CHL1: variants seen among roughly 807,000 people sequenced by gnomAD.
CHL1 encodes the protein cell adhesion molecule L1 like, also known as neural cell adhesion molecule L1-like protein.
In CHL1, 96 loss-of-function variants were observed where a neutral mutation model predicts 141.9. The observed-to-expected ratio is 0.68, with a 90% confidence interval of 0.57 to 0.80. CHL1 has a LOEUF of 0.80. Among genes scored for constraint, CHL1 ranks in the 30% least tolerant of loss-of-function variants. CHL1 has a pLI of 0.00. For missense variants in CHL1, 1,820 were observed against 1,457.2 expected, an observed-to-expected ratio of 1.25 and a Z score of -4.05; for synonymous variants, 613 against 502.2, an observed-to-expected ratio of 1.22 and a Z score of -2.95.
rs772480546 is a variant in CHL1 at position 349,383 on chromosome 3, C to A, written c.873C>A (p.Asn291Lys). The A allele has an allele frequency of 6.2e-7, 1 of 1,613,568 alleles. No individual in the cohort carries two copies. Among genetic ancestry groups the A allele is most frequent in the Non-Finnish European group, 8.5e-7 (1 of 1,179,666 alleles). The part of the protein sequence containing the change: ...EGLPTPQVDW[N>K]KIGGDLPKGR... ...GGCCAACTCCACAGGTTGATTGGAA[C>A]AAAATTGGTGGTGACTTACCAAAGG... The change falls in exon 10 of 28, where the codon AAC becomes AAA. Residue 291 changes from asparagine (N) to lysine (K), a missense_variant. Physicochemically the swap from Asn to Lys is moderately conservative, Grantham distance 94. Coordinates refer to ENST00000256509, the MANE Select transcript of CHL1 (RefSeq NM_006614.4).
chr3:228,313 A>AAAC (rs1344350138), intron 1 of CHL1, among the ~76,000 whole-genome samples: 1 of 152,208 alleles, frequency 6.6e-6, no homozygotes, highest in Non-Finnish European at 1.5e-5. Flanking sequence ...AGAGGTAGAA[A>AAAC]AACGTCACCA....
intron 11 of CHL1, 136 bp from the exon 12 acceptor site, chr3:360,148 G>A (rs1279195383): frequency 2.3e-6 from 2 of 856,248 alleles, no homozygotes; most frequent in Non-Finnish European, 3.5e-6. Context: ...AAAACCTAAA[G>A]AATTGGCTTC....
At chr3:400,919 T>TTTTTTTA (rs1709076580) in intron 26 of CHL1, among the ~76,000 whole-genome samples, 1 of 144,400 alleles carries the variant, frequency 6.9e-6, no homozygotes, top group East Asian at 2.0e-4. Context: ...TTTTTTTTTT[T>TTTTTTTA]GAGACAAGGT....
At chr3:240,358 C>T (rs1323199720) in intron 1 of CHL1, among the ~76,000 whole-genome samples, 1 of 152,100 alleles carries the variant, frequency 6.6e-6, no homozygotes, top group Non-Finnish European at 1.5e-5. Context: ...TGATGTTGAG[C>T]ATTTTTTTTC....
At chr3:328,489 G>A in intron 5 of CHL1, 135 bp downstream of exon 5, 1 of 678,360 alleles carries the variant, frequency 1.5e-6, no homozygotes, top group Non-Finnish European at 2.2e-6. Context: ...TATTTATAAG[G>A]AAAAATTTCC....
intron 2 of CHL1, among the ~76,000 whole-genome samples, chr3:291,777 G>T (rs1697716043): frequency 6.6e-6 from 1 of 152,064 alleles, no homozygotes; most frequent in Non-Finnish European, 1.5e-5. Context: ...CAAAATGATT[G>T]TCAGCAGATG....
rs1433494619 is a variant in CHL1, at chr3:337,701, A to AT, written c.386-3088dup. 7.9e-5 allele frequency among the ~76,000 whole-genome samples: 12 copies of AT among 152,188 alleles called. No individual in the cohort carries two copies. In the East Asian group the frequency reaches 1.4e-3, roughly 17 times the overall value. On this transcript the variant is annotated intron_variant, in intron 5 of 27. Coordinates refer to ENST00000256509, the MANE Select transcript of CHL1 (RefSeq NM_006614.4). ...TCCCTACAAAGGACATGAACTCATC[A>AT]TTTTTATGGCTTCATAGTATTCCAT... is the stretch of plus-strand genomic sequence containing the variant.
chr3:408,166 A>G lies in CHL1; in HGVS notation c.*2455A>G, dbSNP rs1709647519. 6.6e-6 allele frequency: 1 copy of G among 152,232 alleles called. No individual in the cohort carries two copies. The highest frequency in any genetic ancestry group is 2.4e-5 in the African/African-American group (1 of 41,554). The allele number at this position is 152,232 out of a possible 1,614,324, so 9.4% of individuals were successfully genotyped here. On this transcript the variant is annotated 3_prime_UTR_variant, in exon 28 of 28. Transcript: ENST00000256509. ...TGAGTAACAGAGTCCACGGCGTGCA[A>G]TGGTAATTATAAATTGGTGATGCTT... is the stretch of plus-strand genomic sequence containing the variant.
chr3:313,180 GT>G (rs1699892536), intron 2 of CHL1, among the ~76,000 whole-genome samples: 1 of 152,122 alleles, frequency 6.6e-6, no homozygotes, highest in South Asian at 2.1e-4. Flanking sequence ...AAATGAAAAA[GT>G]TTTTAAAATG....
intron 2 of CHL1, chr3:309,048 C>A (rs1433764248): frequency 1.3e-5 from 2 of 152,368 alleles, no homozygotes; most frequent in Admixed American, 1.3e-4. Context: ...GCCAGGGCCC[C>A]GGTGCAGGCC....
rs760243953 is a variant in CHL1, at chr3:377,957, T to C, written c.1876+15T>C. ...AACTGTTCTTGGTAAGTGCACTAAC[T>C]AATGAGAAATCTGTTCATTTCTTCA... On this transcript the variant is annotated intron_variant, in intron 16 of 27. Transcript: ENST00000256509. 10 of 1,582,396 alleles carry C rather than the reference T, an allele frequency of 6.3e-6. No homozygotes were observed. The Admixed American group carries it at 1.3e-4, about 20-fold the overall frequency.
chr3:382,791 A>C, intron 18 of CHL1, 120 bp downstream of exon 18: 1 of 855,072 alleles, frequency 1.2e-6, no homozygotes, highest in Admixed American at 2.2e-5. Context: ...AATAGTGTTA[A>C]CAGTTCTCTA....
In CHL1 at chr3:352,472, T is replaced by G. The variant is rs112753888; in HGVS notation, c.1034-2168T>G. On this transcript the variant is annotated intron_variant, in intron 10 of 27. Coordinates refer to ENST00000256509, the MANE Select transcript of CHL1 (RefSeq NM_006614.4). ...GCAACATGAGAAATATTTATCATCT[T>G]ATTTTTGTATTTACAATTATGAGAA... 1.0e-3 allele frequency among the ~76,000 whole-genome samples: 156 copies of G among 152,316 alleles called. 1 individual carries two copies. The highest frequency in any genetic ancestry group is 2.6e-4 in the Non-Finnish European group (18 of 68,010).
chr3:384,698 A>T (rs1420318653), intron 19 of CHL1: 1 of 152,226 alleles, frequency 6.6e-6, no homozygotes, highest in East Asian at 1.9e-4. Context: ...TCATTCAACC[A>T]TTCTGATGAG....
chr3:206,586 A>G (rs1249884295), intron 1 of CHL1, among the ~76,000 whole-genome samples: 2 of 151,998 alleles, frequency 1.3e-5, no homozygotes, highest in African/African-American at 4.8e-5. Flanking sequence ...AAATAAAAAT[A>G]AAAATTAGCC....
chr3:255,659 A>C (rs1198574031), intron 2 of CHL1, among the ~76,000 whole-genome samples: 1 of 152,132 alleles, frequency 6.6e-6, no homozygotes, highest in Admixed American at 6.5e-5. Flanking sequence ...AGATAAATGG[A>C]TCATCTGTGT....
intron 1 of CHL1, among the ~76,000 whole-genome samples, chr3:210,267 C>G (rs1699797658): frequency 6.6e-6 from 1 of 152,210 alleles, no homozygotes; most frequent in South Asian, 2.1e-4. Context: ...TAACTCATAC[C>G]TTTAAACAGT....
At chr3:360,815 C>A (rs1473695507) in intron 12 of CHL1, among the ~76,000 whole-genome samples, 1 of 140,320 alleles carries the variant, frequency 7.1e-6, no homozygotes, top group Non-Finnish European at 1.5e-5. Flanking sequence ...TTGTTCAATT[C>A]CCACCTATGA....
intron 2 of CHL1, among the ~76,000 whole-genome samples, chr3:287,980 C>T (rs571584923): frequency 6.6e-6 from 1 of 152,178 alleles, no homozygotes; most frequent in Non-Finnish European, 1.5e-5. Context: ...GTTGGCCAGG[C>T]TGGTCTCAAA....
Sources: allele counts gnomAD v4.1 joint callset (sites outside exome capture counted in the v4.1 genomes callset), GRCh38; gene constraint gnomAD v4.1.1; transcripts MANE v1.5; gene names NCBI Gene and HGNC (gene_info 2026-07-23, HGNC 2026-07-21).